Variants in OPCML observed in about 807,000 individuals in gnomAD.
OPCML encodes opioid-binding protein/cell adhesion molecule.
A neutral mutation model predicts 37.8 loss-of-function variants in OPCML; 13 were observed. The ratio of observed to expected loss-of-function variants is 0.34; its 90% confidence interval spans 0.22 to 0.55. The LOEUF (loss-of-function observed/expected upper bound fraction) is 0.55, where lower values mean the gene tolerates loss of function less well. Among genes scored for constraint, OPCML ranks in the 20% least tolerant of loss-of-function variants. OPCML has a pLI of 0.91. For synonymous variants in OPCML, 176 were observed against 168.8 expected (o/e 1.04, Z -0.33); for missense variants, 341 against 435.6 (o/e 0.78, Z 1.93).
At chr11:133,164,583 C>G (rs766956814) in intron 1 of OPCML, among the ~76,000 whole-genome samples, 7 of 152,174 alleles carry the variant, frequency 4.6e-5, no homozygotes, top group Non-Finnish European at 8.8e-5. Context: ...ATTTGAATAA[C>G]GAGGACAATT....
At chr11:132,953,784 T>G (rs1009279426) in intron 1 of OPCML, among the ~76,000 whole-genome samples, 1 of 151,986 alleles carries the variant, frequency 6.6e-6, no homozygotes, top group African/African-American at 2.4e-5. Context: ...GAGCTGGGGG[T>G]CCCCAGCAAT....
intron 1 of OPCML, among the ~76,000 whole-genome samples, chr11:133,027,629 GGT>G (rs1947583248): frequency 6.7e-6 from 1 of 148,440 alleles, no homozygotes; most frequent in South Asian, 2.2e-4. Flanking sequence ...TGGTATGTGT[GGT>G]GTGTGTGTAT....
chr11:132,720,415 A>C (rs997558115), intron 2 of OPCML, among the ~76,000 whole-genome samples: 1 of 152,246 alleles, frequency 6.6e-6, no homozygotes, highest in African/African-American at 2.4e-5. Flanking sequence ...ATAAATGATC[A>C]TCCATTTTAA....
intron 1 of OPCML, among the ~76,000 whole-genome samples, chr11:133,415,193 A>T (rs1945734177): frequency 1.3e-5 from 2 of 152,100 alleles, no homozygotes; most frequent in African/African-American, 4.8e-5. Flanking sequence ...GCGGATCACG[A>T]GGTCAGGAGA....
At chr11:133,027,570 T>C (rs1166459109) in intron 1 of OPCML, among the ~76,000 whole-genome samples, 2 of 150,234 alleles carry the variant, frequency 1.3e-5, no homozygotes, top group South Asian at 2.1e-4. Flanking sequence ...ATGTTACGTG[T>C]GTGGTGTGTT....
At chr11:132,636,026 T>G (rs1166884758) in intron 3 of OPCML, among the ~76,000 whole-genome samples, 2 of 152,208 alleles carry the variant, frequency 1.3e-5, no homozygotes, top group East Asian at 3.9e-4. Flanking sequence ...AAACCCGTCT[T>G]TACATGCACA....
intron 1 of OPCML, among the ~76,000 whole-genome samples, chr11:133,315,230 T>C (rs916631323): frequency 5.9e-5 from 9 of 152,226 alleles, no homozygotes; most frequent in African/African-American, 2.2e-4. Flanking sequence ...TTAAAGCATG[T>C]GCACTTTTTA....
At chr11:133,155,761 A>G (rs1950052443) in intron 1 of OPCML, among the ~76,000 whole-genome samples, 1 of 152,162 alleles carries the variant, frequency 6.6e-6, no homozygotes, top group South Asian at 2.1e-4. Context: ...TCCTCTCTGA[A>G]TGCCTGCTCC....
At chr11:132,585,982 G>C (rs1321617285) in intron 3 of OPCML, among the ~76,000 whole-genome samples, 1 of 152,118 alleles carries the variant, frequency 6.6e-6, no homozygotes, top group East Asian at 1.9e-4. Flanking sequence ...TTGTTACTCA[G>C]GATCCAAAGC....
chr11:133,213,307 C>T (rs1346747911), intron 1 of OPCML, among the ~76,000 whole-genome samples: 1 of 148,700 alleles, frequency 6.7e-6, no homozygotes, highest in Admixed American at 6.8e-5. Flanking sequence ...AAAAGGATGA[C>T]CTTAATAGAG....
chr11:132,459,611 T>C (rs1196792317), intron 4 of OPCML, among the ~76,000 whole-genome samples: 1 of 151,460 alleles, frequency 6.6e-6, no homozygotes, highest in Non-Finnish European at 1.5e-5. Context: ...CTGGAGAACC[T>C]TGCCTAATAT....
intron 1 of OPCML, among the ~76,000 whole-genome samples, chr11:133,337,567 C>T (rs1943770241): frequency 6.6e-6 from 1 of 152,154 alleles, no homozygotes; most frequent in African/African-American, 2.4e-5. Context: ...TTACCTGCTG[C>T]TGTGGGAAGA....
chr11:133,432,908 T>G (rs1298416753), intron 1 of OPCML, among the ~76,000 whole-genome samples: 1 of 152,110 alleles, frequency 6.6e-6, no homozygotes, highest in Non-Finnish European at 1.5e-5. Flanking sequence ...TGTTGGGAAT[T>G]TCTTTTGCTT....
At chr11:132,476,527 C>T (rs1409936178) in intron 4 of OPCML, among the ~76,000 whole-genome samples, 1 of 152,122 alleles carries the variant, frequency 6.6e-6, no homozygotes, top group Admixed American at 6.5e-5. Context: ...AGGATGAGTT[C>T]ATGTCCTTTG....
intron 1 of OPCML, among the ~76,000 whole-genome samples, chr11:133,312,976 A>G (rs1407244967): frequency 6.6e-6 from 1 of 152,250 alleles, no homozygotes; most frequent in Non-Finnish European, 1.5e-5. Context: ...TGATGGTAAC[A>G]TAAATGAATC....
intron 1 of OPCML, among the ~76,000 whole-genome samples, chr11:133,394,614 A>G (rs1565611423): frequency 6.6e-6 from 1 of 152,050 alleles, no homozygotes; most frequent in African/African-American, 2.4e-5. Flanking sequence ...CCATTAGTTC[A>G]ATTGTTTTAA....
chr11:132,947,490 T>A (rs954530061), intron 1 of OPCML, among the ~76,000 whole-genome samples: 1 of 152,344 alleles, frequency 6.6e-6, no homozygotes. Context: ...ACTCATGGGC[T>A]AGCAGATCAG....
chr11:132,761,691 C>G, intron 2 of OPCML, among the ~76,000 whole-genome samples: 1 of 152,072 alleles, frequency 6.6e-6, no homozygotes, highest in South Asian at 2.1e-4. Flanking sequence ...ACTGGTTATT[C>G]TAGTTAGCAG....
chr11:132,997,695 C>T (rs1168203543), intron 1 of OPCML, among the ~76,000 whole-genome samples: 1 of 152,218 alleles, frequency 6.6e-6, no homozygotes, highest in African/African-American at 2.4e-5. Context: ...GCTGGGGCTG[C>T]CCAGAGGAGC....
Sources: gnomAD v4.1 joint callset for allele counts (sites outside exome capture counted in the v4.1 genomes callset) on GRCh38, gnomAD v4.1.1 for gene constraint, MANE v1.5 for transcripts, NCBI Gene and HGNC (gene_info 2026-07-23, HGNC 2026-07-21) for gene names.